Variants in ZBTB44 observed in about 807,000 individuals in gnomAD.
The protein encoded by ZBTB44 is zinc finger and BTB domain containing 44, also known as zinc finger and BTB domain-containing protein 44.
In ZBTB44, 15 loss-of-function variants were observed where a neutral mutation model predicts 54.0. The observed-to-expected ratio is 0.28, with a 90% CI of 0.19 to 0.43. ZBTB44 has a LOEUF of 0.43. ZBTB44 is among the 20% of genes least tolerant of loss of function. The probability of loss-of-function intolerance (pLI) is 1.00; values close to 1 mark genes in which losing one functional copy is unlikely to be tolerated. For synonymous variants in ZBTB44, 230 were observed against 250.1 expected (o/e 0.92, Z 0.76); for missense variants, 487 against 707.1 (o/e 0.69, Z 3.53).
At chr11:130,252,922 T>C (rs1465683288) in intron 2 of ZBTB44, among the ~76,000 whole-genome samples, 7 of 152,168 alleles carry the variant, frequency 4.6e-5, no homozygotes, top group South Asian at 2.1e-4. Flanking sequence ...TGCAAATCAA[T>C]AAACGTAATC....
chr11:130,265,768 A>G (rs762516618), intron 1 of ZBTB44, among the ~76,000 whole-genome samples: 1 of 152,228 alleles, frequency 6.6e-6, no homozygotes. Flanking sequence ...GCGCAAGGCC[A>G]TAACTCTCTT....
intron 1 of ZBTB44, among the ~76,000 whole-genome samples, chr11:130,281,488 C>G (rs977052559): frequency 6.6e-6 from 1 of 151,124 alleles, no homozygotes; most frequent in Admixed American, 6.6e-5. Flanking sequence ...CTACTGCACT[C>G]TAGCCTGGGC....
chr11:130,294,110 T>A (rs111581855), intron 1 of ZBTB44, among the ~76,000 whole-genome samples: 1,840 of 152,230 alleles, frequency 0.012, 41 homozygotes, highest in African/African-American at 0.042. Flanking sequence ...TAAAAGGATT[T>A]TTTATATCCA....
At chr11:130,271,976 A>C (rs1014958159) in intron 1 of ZBTB44, among the ~76,000 whole-genome samples, 3 of 152,092 alleles carry the variant, frequency 2.0e-5, no homozygotes, top group African/African-American at 4.8e-5. Context: ...CACATCTGTA[A>C]TCCTAGCACT....
chr11:130,288,525 G>T (rs906448896), intron 1 of ZBTB44, among the ~76,000 whole-genome samples: 4 of 152,052 alleles, frequency 2.6e-5, no homozygotes, highest in Non-Finnish European at 5.9e-5. Flanking sequence ...TTAATCTCAC[G>T]TACTCTCTAA....
intron 1 of ZBTB44, among the ~76,000 whole-genome samples, chr11:130,278,488 G>GT (rs1465964712): frequency 2.0e-5 from 3 of 152,036 alleles, no homozygotes; most frequent in South Asian, 2.1e-4. Context: ...CTATTTGAGT[G>GT]TTTTTTTCTA....
chr11:130,261,457 C>T lies in ZBTB44; in HGVS notation c.417G>A (p.Lys139=), dbSNP rs1410724452. 3 of 1,613,992 alleles carry T rather than the reference C, an allele frequency of 1.9e-6. No individual in the cohort carries two copies. In the South Asian group the frequency reaches 3.3e-5, roughly 18 times the overall value. Residue 139 remains lysine, a synonymous_variant, in exon 2 of 8, where the codon AAG becomes AAA. Transcript: ENST00000357899. The surrounding 1 kb of genome is among the most constrained non-coding windows in gnomAD (Gnocchi z 4.8). ...TATTTTCTTGTCCAGCATCTAGACC[C>T]TTTTCAGGTTGGCTGTTGGGTGTAT... ...LWNTPNSQPE[K]GLDAGQENNS... is the part of the protein sequence containing the mutation.
chr11:130,292,784 T>C (rs963050007), intron 1 of ZBTB44, among the ~76,000 whole-genome samples: 23 of 152,346 alleles, frequency 1.5e-4, no homozygotes, highest in African/African-American at 4.8e-4. Flanking sequence ...AGAAACTTCA[T>C]GTTAAACTTA....
In ZBTB44 at chr11:130,228,231, C is replaced by T. The variant is rs1351052613; in HGVS notation, c.*3533G>A. On this transcript the variant is annotated 3_prime_UTR_variant, in exon 8 of 8. Coordinates refer to ENST00000357899, the MANE Select transcript of ZBTB44 (RefSeq NM_001301098.2). ...AACCAAATTTTACTCTATTAGGGAC[C>T]GTTGCTTTTTTAAAAAATACCTTGA... is the stretch of plus-strand genomic sequence containing the variant. 3 of 152,070 alleles carry T rather than the reference C, an allele frequency of 2.0e-5. No individual in the cohort carries two copies. Among genetic ancestry groups the T allele is most frequent in the African/African-American group, 7.3e-5 (3 of 41,374 alleles). 9.4% of individuals were successfully genotyped at this position (152,070 alleles called of 1,614,324 possible).
Position 130,292,740 on chromosome 11 carries a change from T to C in ZBTB44, c.-57+21635A>G, listed in dbSNP as rs535375892. 3.9e-5 allele frequency among the ~76,000 whole-genome samples: 6 copies of C among 152,272 alleles called. No individual in the cohort carries two copies. The South Asian group carries it at 1.2e-3, about 32-fold the overall frequency. On this transcript the variant is annotated intron_variant, in intron 1 of 7. Transcript: ENST00000357899. ...TTTTGCAGGAAACCTGTTAAAACAA[T>C]TGATTTAGGAATGGAAGAACCACAG...
At chr11:130,297,455 T>C (rs1347237016) in intron 1 of ZBTB44, among the ~76,000 whole-genome samples, 1 of 152,250 alleles carries the variant, frequency 6.6e-6, no homozygotes, top group East Asian at 1.9e-4. Context: ...ACTTTATATA[T>C]GTCTTGGTAT....
intron 1 of ZBTB44, among the ~76,000 whole-genome samples, chr11:130,282,034 G>C (rs1188452054): frequency 6.6e-6 from 1 of 152,158 alleles, no homozygotes; most frequent in Non-Finnish European, 1.5e-5. Flanking sequence ...CTGGGTGATG[G>C]AGTGAGACCC....
intron 1 of ZBTB44, among the ~76,000 whole-genome samples, chr11:130,288,911 AG>A (rs1225743089): frequency 1.3e-5 from 2 of 151,750 alleles, no homozygotes; most frequent in Non-Finnish European, 2.9e-5. Context: ...AAAAAAAAAA[AG>A]AAAAAGAAAA....
intron 1 of ZBTB44, among the ~76,000 whole-genome samples, chr11:130,288,170 CA>C (rs1398263179): frequency 6.6e-6 from 1 of 151,748 alleles, no homozygotes; most frequent in Non-Finnish European, 1.5e-5. Flanking sequence ...GTCAGGAGTT[CA>C]AGACCAGCCT....
chr11:130,295,419 G>A (rs889131747), intron 1 of ZBTB44, among the ~76,000 whole-genome samples: 1 of 152,070 alleles, frequency 6.6e-6, no homozygotes, highest in Non-Finnish European at 1.5e-5. Context: ...GAATGATGCT[G>A]GGACTGATAC....
chr11:130,277,426 A>C (rs952130065), intron 1 of ZBTB44, among the ~76,000 whole-genome samples: 1 of 152,176 alleles, frequency 6.6e-6, no homozygotes, highest in African/African-American at 2.4e-5. Flanking sequence ...TACAGATATC[A>C]TATCTGCTCA....
intron 2 of ZBTB44, among the ~76,000 whole-genome samples, chr11:130,245,075 G>T (rs78459703): frequency 6.6e-6 from 1 of 151,920 alleles, no homozygotes; most frequent in African/African-American, 2.4e-5. Context: ...CTAATACTTG[G>T]GTATACTCTG....
intron 1 of ZBTB44, among the ~76,000 whole-genome samples, chr11:130,276,823 T>C (rs1223075676): frequency 6.6e-6 from 1 of 152,230 alleles, no homozygotes; most frequent in Non-Finnish European, 1.5e-5. Flanking sequence ...TCATGTATTT[T>C]GGTATTCTGT....
chr11:130,265,215 C>T (rs931996810), intron 1 of ZBTB44, among the ~76,000 whole-genome samples: 19 of 152,042 alleles, frequency 1.2e-4, no homozygotes, highest in Non-Finnish European at 2.5e-4. Context: ...AAAGGAAGAG[C>T]TGCACGTTTC....
Sources: gnomAD v4.1 joint callset for allele counts (sites outside exome capture counted in the v4.1 genomes callset) on GRCh38, gnomAD v4.1.1 for gene constraint, Gnocchi (gnomAD v3.1) non-coding constraint, MANE v1.5 for transcripts, NCBI Gene and HGNC (gene_info 2026-07-23, HGNC 2026-07-21) for gene names.